HS3ST2: variants seen among roughly 807,000 people sequenced by gnomAD.
HS3ST2 encodes the protein heparan sulfate-glucosamine 3-sulfotransferase 2.
HS3ST2 carries 17 observed loss-of-function variants against 26.3 expected under a neutral mutation model. The ratio of observed to expected loss-of-function variants is 0.65; its 90% CI spans 0.44 to 0.97. The LOEUF (loss-of-function observed/expected upper bound fraction) is 0.97, where lower values mean the gene tolerates loss of function less well. Among genes scored for constraint, HS3ST2 ranks in the 50% least tolerant of loss-of-function variants. The pLI, the probability that HS3ST2 is intolerant of heterozygous loss-of-function variation, is 0.00. For missense variants in HS3ST2, 402 were observed against 501.2 expected (o/e 0.80, Z 1.89); for synonymous variants, 237 against 219.2 (o/e 1.08, Z -0.72).
intron 1 of HS3ST2, among the ~76,000 whole-genome samples, chr16:22,859,688 T>A (rs1318180888): frequency 6.6e-6 from 1 of 152,222 alleles, no homozygotes; most frequent in African/African-American, 2.4e-5. Flanking sequence ...CTAGGCTTGA[T>A]GGAAAATTCC....
intron 1 of HS3ST2, among the ~76,000 whole-genome samples, chr16:22,843,282 T>C (rs534136923): frequency 1.3e-3 from 201 of 152,160 alleles, no homozygotes; most frequent in African/African-American, 4.7e-3. Context: ...TAATTTCCCA[T>C]CACCAAGCAG....
chr16:22,827,723 T>C (rs1901110419), intron 1 of HS3ST2, among the ~76,000 whole-genome samples: 1 of 149,350 alleles, frequency 6.7e-6, no homozygotes, highest in Non-Finnish European at 1.5e-5. Context: ...TTTTTTTTTT[T>C]TTTTTTGAGA....
intron 1 of HS3ST2, among the ~76,000 whole-genome samples, chr16:22,831,531 T>C (rs1046164505): frequency 2.0e-5 from 3 of 152,156 alleles, no homozygotes; most frequent in Non-Finnish European, 2.9e-5. Context: ...AATTTGTATC[T>C]GGATTGTAGG....
intron 1 of HS3ST2, among the ~76,000 whole-genome samples, chr16:22,820,583 A>T (rs188494137): frequency 6.6e-6 from 1 of 152,378 alleles, no homozygotes. Context: ...GAAACTCCGT[A>T]AAAAGCCATC....
rs756250078 is a variant in HS3ST2, at chr16:22,814,822, G to C, written c.212G>C (p.Arg71Pro). 5 of 1,578,352 alleles carry C rather than the reference G, an allele frequency of 3.2e-6. No individual in the cohort carries two copies. In the East Asian group the frequency reaches 1.2e-4, roughly 37 times the overall value. ...GGCCAGAAACTTCTCCAGAAGTCCC[G>C]CCCCTGTGATCCCTCCGGGCCGACG... The part of the protein sequence containing the change: ...AGGQKLLQKS[R>P]PCDPSGPTPS... The change falls in exon 1 of 2, where the codon CGC becomes CCC. Residue 71 changes from arginine to proline, a missense_variant. By Grantham distance (103) the Arg-to-Pro change is moderately radical. Coordinates refer to ENST00000261374, the MANE Select transcript of HS3ST2 (RefSeq NM_006043.2).
At chr16:22,872,589 C>T (rs1055700092) in intron 1 of HS3ST2, among the ~76,000 whole-genome samples, 1 of 152,134 alleles carries the variant, frequency 6.6e-6, no homozygotes, top group South Asian at 2.1e-4. Context: ...AGATGGGGCA[C>T]ACCCTCTAGG....
intron 1 of HS3ST2, among the ~76,000 whole-genome samples, chr16:22,893,850 C>T (rs1316778026): frequency 3.3e-5 from 5 of 151,982 alleles, no homozygotes; most frequent in African/African-American, 1.2e-4. Flanking sequence ...TGCAGGGACA[C>T]GATCATAGCT....
chr16:22,837,576 T>A (rs183838155), intron 1 of HS3ST2, among the ~76,000 whole-genome samples: 1 of 136,588 alleles, frequency 7.3e-6, no homozygotes, highest in East Asian at 2.1e-4. Flanking sequence ...CATATATATA[T>A]ATACACACAC....
rs577026833 is a variant in HS3ST2 at position 22,821,640 on chromosome 16, A to C, written c.485+6545A>C. ...TCTCTGCTGGAGCTAACTCCGGTGCAGGTTAATCCATTCGTTTGTCAAATG... is the reference window on the plus strand; with the variant it reads ...TCTCTGCTGGAGCTAACTCCGGTGCCGGTTAATCCATTCGTTTGTCAAATG... On this transcript the variant is annotated intron_variant, in intron 1 of 1. Transcript: ENST00000261374. Among the ~76,000 whole-genome samples the C allele has an allele frequency of 5.1e-4, 77 of 152,188 alleles. 1 individual carries two copies. In the South Asian group the frequency reaches 0.011, roughly 22 times the overall value.
At chr16:22,858,008 G>A (rs1314922049) in intron 1 of HS3ST2, among the ~76,000 whole-genome samples, 3 of 152,018 alleles carry the variant, frequency 2.0e-5, no homozygotes, top group African/African-American at 7.3e-5. Context: ...AACCTTCACT[G>A]ATGTCTACAG....
At chr16:22,886,140 T>C (rs1311664480) in intron 1 of HS3ST2, among the ~76,000 whole-genome samples, 1 of 152,226 alleles carries the variant, frequency 6.6e-6, no homozygotes, top group Admixed American at 6.5e-5. Flanking sequence ...GATTCTGTTT[T>C]ATAGCTCAAG....
chr16:22,858,296 C>T (rs1371191849), intron 1 of HS3ST2, among the ~76,000 whole-genome samples: 1 of 150,462 alleles, frequency 6.6e-6, no homozygotes, highest in Non-Finnish European at 1.5e-5. Flanking sequence ...CAAAATATCT[C>T]ATATAACCCA....
chr16:22,915,743 C>A lies in HS3ST2; in HGVS notation c.*181C>A. 1 of 648,296 alleles carries A rather than the reference C, an allele frequency of 1.5e-6. No individual in the cohort carries two copies. The highest frequency in any genetic ancestry group is 2.7e-6 in the Non-Finnish European group (1 of 375,052). 40.2% of individuals were successfully genotyped at this position (648,296 alleles called of 1,614,324 possible). ...CCAAGAGACCAGAGAGTCCCTGCCA[C>A]TAGTTTTCATCAGTCTGTTCAAGCA... On this transcript the variant is annotated 3_prime_UTR_variant, in exon 2 of 2. Coordinates refer to ENST00000261374, the MANE Select transcript of HS3ST2 (RefSeq NM_006043.2).
At chr16:22,888,500 C>T (rs776598330) in intron 1 of HS3ST2, among the ~76,000 whole-genome samples, 2 of 151,360 alleles carry the variant, frequency 1.3e-5, no homozygotes, top group African/African-American at 2.4e-5. Flanking sequence ...AATTCTCCTG[C>T]CTCAGGCTCC....
chr16:22,838,142 A>G (rs1008979231), intron 1 of HS3ST2, among the ~76,000 whole-genome samples: 4 of 152,080 alleles, frequency 2.6e-5, no homozygotes, highest in Non-Finnish European at 5.9e-5. Context: ...AGACTTAAAG[A>G]TCCTTTGTTC....
intron 1 of HS3ST2, among the ~76,000 whole-genome samples, chr16:22,845,154 TA>T (rs1164076737): frequency 6.8e-6 from 1 of 147,354 alleles, no homozygotes; most frequent in Non-Finnish European, 1.5e-5. Flanking sequence ...GCGCCTGGCC[TA>T]AATCTTTTTT....
intron 1 of HS3ST2, among the ~76,000 whole-genome samples, chr16:22,870,612 A>G (rs1267586921): frequency 6.6e-6 from 1 of 152,048 alleles, no homozygotes; most frequent in East Asian, 1.9e-4. Context: ...TGTTCCAGCA[A>G]CACTGGCTTC....
At chr16:22,880,855 C>T (rs1048551219) in intron 1 of HS3ST2, among the ~76,000 whole-genome samples, 71 of 152,078 alleles carry the variant, frequency 4.7e-4, no homozygotes, top group African/African-American at 1.7e-3. Flanking sequence ...CAATAGACAC[C>T]TTTGCCAGTC....
At chr16:22,889,833 G>C (rs959241782) in intron 1 of HS3ST2, among the ~76,000 whole-genome samples, 2 of 152,178 alleles carry the variant, frequency 1.3e-5, no homozygotes, top group Non-Finnish European at 2.9e-5. Flanking sequence ...CCACAACCAG[G>C]AAGTGAGATG....
Sources: gnomAD v4.1 joint callset for allele counts (sites outside exome capture counted in the v4.1 genomes callset) on GRCh38, gnomAD v4.1.1 for gene constraint, MANE v1.5 for transcripts, NCBI Gene and HGNC (gene_info 2026-07-23, HGNC 2026-07-21) for gene names.